Variants in MGA observed in about 807,000 individuals in gnomAD.
MGA encodes MAX gene-associated protein.
A neutral mutation model predicts 261.1 loss-of-function variants in MGA; 40 were observed. That is an observed-to-expected ratio of 0.15 (90% CI 0.12 to 0.20). The LOEUF (loss-of-function observed/expected upper bound fraction) is 0.20, where lower values mean the gene tolerates loss of function less well. MGA is among the 10% of genes least tolerant of loss of function. The pLI is 1.00. For missense variants in MGA, 3,397 were observed against 3,630.5 expected (o/e 0.94, Z 1.65); for synonymous variants, 1,302 against 1,290.6 (o/e 1.01, Z -0.19).
intron 5 of MGA, among the ~76,000 whole-genome samples, chr15:41,701,260 A>G (rs770514489): frequency 7.3e-4 from 105 of 144,772 alleles, no homozygotes; most frequent in Admixed American, 3.6e-3. Context: ...TTTTTTTGTT[A>G]TTTTCTTGAT....
intron 1 of MGA, among the ~76,000 whole-genome samples, chr15:41,655,219 C>T (rs974659782): frequency 1.4e-4 from 21 of 150,568 alleles, no homozygotes; most frequent in African/African-American, 4.9e-4. Context: ...TGCTCTTTCA[C>T]CCAGGCTGGA....
At chr15:41,670,976 C>T (rs901026995) in intron 2 of MGA, among the ~76,000 whole-genome samples, 5 of 152,094 alleles carry the variant, frequency 3.3e-5, no homozygotes, top group African/African-American at 7.2e-5. Context: ...TATGATTTGG[C>T]GTTATTTTTC....
Position 41,734,557 on chromosome 15 carries a change from C to T in MGA, c.3879C>T (p.Leu1293=), listed in dbSNP as rs780518336. 1.1e-5 allele frequency: 17 copies of T among 1,608,854 alleles called. No individual in the cohort carries two copies. The highest frequency in any genetic ancestry group is 2.7e-5 in the African/African-American group (2 of 74,802). Residue 1293 remains leucine (L), a synonymous_variant, in exon 12 of 24, where the codon CTC becomes CTT. Coordinates refer to ENST00000219905, the MANE Select transcript of MGA (RefSeq NM_001164273.2). The stretch of plus-strand genomic sequence containing the variant: ...CTGAACAGCAGCCCTTAAAACAACT[C>T]ACCTGTGACTTGGAGGATGATTCTG...
intron 1 of MGA, among the ~76,000 whole-genome samples, chr15:41,662,048 T>C (rs978678528): frequency 6.6e-6 from 1 of 151,990 alleles, no homozygotes; most frequent in African/African-American, 2.4e-5. Context: ...CGGCGTCTGC[T>C]CCTCTCGGGG....
intron 1 of MGA, among the ~76,000 whole-genome samples, chr15:41,636,078 A>G (rs2056697745): frequency 6.6e-6 from 1 of 152,158 alleles, no homozygotes; most frequent in African/African-American, 2.4e-5. Flanking sequence ...TTACTGGAGT[A>G]TGCATTTACT....
chr15:41,663,716 C>G (rs1279443179), intron 1 of MGA, among the ~76,000 whole-genome samples: 1 of 152,016 alleles, frequency 6.6e-6, no homozygotes, highest in African/African-American at 2.4e-5. Context: ...GGTGATTCGC[C>G]CGCCTCAGCC....
At position 41,696,990 on chromosome 15, in the gene MGA, G is replaced by A. The variant is rs755239560; in HGVS notation, c.1980G>A (p.Val660=). 6.3e-7 allele frequency: 1 copy of A among 1,584,340 alleles called. No individual in the cohort carries two copies. Among genetic ancestry groups the A allele is most frequent in the Non-Finnish European group, 8.6e-7 (1 of 1,166,994 alleles). ...ATGTGAAGCCTGATCTGGAAGATGT[G>A]GATGGTGTTCTCTTTGTTTCCTTTG... The change falls in exon 3 of 24, where the codon GTG becomes GTA. Residue 660 remains valine, a synonymous_variant. Transcript: ENST00000219905.
At chr15:41,750,674 A>C in intron 17 of MGA, 59 bp downstream of exon 17, 4 of 1,456,312 alleles carry the variant, frequency 2.7e-6, no homozygotes, top group Non-Finnish European at 3.6e-6. Context: ...TTTATTAAAG[A>C]CAGAAGCTTT....
In MGA at chr15:41,734,560, C is replaced by T; in HGVS notation, c.3882C>T (p.Thr1294=). ...AACAGCAGCCCTTAAAACAACTCAC[C>T]TGTGACTTGGAGGATGATTCTGATA... Residue 1294 remains threonine (T), a synonymous_variant, in exon 12 of 24, where the codon ACC becomes ACT. Transcript: ENST00000219905. 1 of 1,608,518 alleles carries T rather than the reference C, an allele frequency of 6.2e-7. No individual in the cohort carries two copies. The highest frequency in any genetic ancestry group is 1.1e-5 in the South Asian group (1 of 89,884).
chr15:41,701,069 G>A (rs2059826362), intron 5 of MGA, among the ~76,000 whole-genome samples: 1 of 152,202 alleles, frequency 6.6e-6, no homozygotes, highest in Non-Finnish European at 1.5e-5. Context: ...GATTGTAATA[G>A]ACAGTCACAT....
chr15:41,698,253 C>T (rs1470239966), intron 3 of MGA, among the ~76,000 whole-genome samples: 1 of 148,070 alleles, frequency 6.8e-6, no homozygotes, highest in Non-Finnish European at 1.5e-5. Flanking sequence ...ACTGCAACCT[C>T]TGTTTCCCGG....
intron 2 of MGA, among the ~76,000 whole-genome samples, chr15:41,674,644 T>C (rs987204493): frequency 4.6e-5 from 7 of 152,224 alleles, no homozygotes; most frequent in Middle Eastern, 3.4e-3. Flanking sequence ...CTCAGCCTCC[T>C]GAGTAGTTGG....
intron 1 of MGA, among the ~76,000 whole-genome samples, chr15:41,643,775 T>C (rs1197858737): frequency 6.6e-6 from 1 of 151,290 alleles, no homozygotes; most frequent in Non-Finnish European, 1.5e-5. Context: ...TTTTTTTTTT[T>C]TTTTCCCTGA....
chr15:41,736,522 C>A lies in MGA; in HGVS notation c.4258C>A (p.Pro1420Thr). 2 of 1,614,004 alleles carry A rather than the reference C, an allele frequency of 1.2e-6. No individual in the cohort carries two copies. Among genetic ancestry groups the A allele is most frequent in the Non-Finnish European group, 1.7e-6 (2 of 1,179,898 alleles). The change falls in exon 13 of 24, where the codon CCA (proline) becomes ACA (threonine). Residue 1420 changes from proline to threonine, a missense_variant. Physicochemically the swap from Pro to Thr is conservative, Grantham distance 38 (BLOSUM62 -1). Transcript: ENST00000219905. ...ATCTGGATCAGAGACTCCTGATGGTCCATTGTCCCCTGGGAAAATGGAGGA... is the reference window on the plus strand; with the variant it reads ...ATCTGGATCAGAGACTCCTGATGGTACATTGTCCCCTGGGAAAATGGAGGA...
chr15:41,704,906 G>A (rs1414132582), intron 5 of MGA, among the ~76,000 whole-genome samples: 4 of 151,760 alleles, frequency 2.6e-5, no homozygotes, highest in South Asian at 2.1e-4. Context: ...GTCTTTTTTT[G>A]TAATGACATT....
At chr15:41,722,605 G>T (rs776090433) in intron 9 of MGA, among the ~76,000 whole-genome samples, 1 of 152,148 alleles carries the variant, frequency 6.6e-6, no homozygotes, top group Non-Finnish European at 1.5e-5. Flanking sequence ...TGTTTACATG[G>T]ATGTATAGTT....
chr15:41,682,478 T>C (rs894978755), intron 2 of MGA, among the ~76,000 whole-genome samples: 1 of 152,046 alleles, frequency 6.6e-6, no homozygotes, highest in African/African-American at 2.4e-5. Flanking sequence ...AGGTTCTTTT[T>C]ATTTATTTAT....
intron 9 of MGA, among the ~76,000 whole-genome samples, chr15:41,714,260 C>T (rs2060519005): frequency 6.6e-6 from 1 of 152,302 alleles, no homozygotes; most frequent in African/African-American, 2.4e-5. Context: ...TCATGTTCTG[C>T]TTTCCACATC....
chr15:41,670,950 TAA>T (rs1257043421), intron 2 of MGA, among the ~76,000 whole-genome samples: 1 of 152,248 alleles, frequency 6.6e-6, no homozygotes, highest in Non-Finnish European at 1.5e-5. Context: ...CTTATATAGA[TAA>T]GTTTTGTTTC....
Sources: allele counts gnomAD v4.1 joint callset (sites outside exome capture counted in the v4.1 genomes callset), GRCh38; gene constraint gnomAD v4.1.1; transcripts MANE v1.5; gene names NCBI Gene and HGNC (gene_info 2026-07-23, HGNC 2026-07-21).